The following GOPC variants were observed in gnomAD, a reference collection of about 807,000 sequenced individuals.
GOPC encodes the protein Golgi-associated PDZ and coiled-coil motif-containing protein.
Under a neutral mutation model 51.2 loss-of-function variants are expected in GOPC, and 32 were observed. The ratio of observed to expected loss-of-function variants is 0.63; its 90% CI spans 0.47 to 0.84. The LOEUF (loss-of-function observed/expected upper bound fraction) is 0.84, where lower values mean the gene tolerates loss of function less well. Ranked by LOEUF, GOPC falls within the 40% of genes least tolerant of loss-of-function variation. The probability of loss-of-function intolerance (pLI) is 0.00; values close to 1 mark genes in which losing one functional copy is unlikely to be tolerated. For synonymous variants in GOPC, 190 were observed against 205.1 expected (o/e 0.93, Z 0.63); for missense variants, 441 against 555.5 (o/e 0.79, Z 2.07).
chr6:117,595,042 A>G (rs180846593), intron 1 of GOPC, among the ~76,000 whole-genome samples: 143 of 152,326 alleles, frequency 9.4e-4, no homozygotes, highest in African/African-American at 3.3e-3. Flanking sequence ...TACTCAACAC[A>G]TATTTCCCAG....
intron 1 of GOPC, among the ~76,000 whole-genome samples, chr6:117,596,202 G>T (rs1396181738): frequency 6.6e-6 from 1 of 152,090 alleles, no homozygotes; most frequent in Non-Finnish European, 1.5e-5. Flanking sequence ...CTTCTTTAGA[G>T]AATTATCTAT....
At chr6:117,581,865 GTA>G (rs1779964003) in intron 1 of GOPC, among the ~76,000 whole-genome samples, 1 of 152,020 alleles carries the variant, frequency 6.6e-6, no homozygotes, top group African/African-American at 2.4e-5. Flanking sequence ...TTTCTCTTGA[GTA>G]TATATCTAGG....
chr6:117,568,593 C>T (rs1012243499), intron 7 of GOPC, among the ~76,000 whole-genome samples: 3 of 152,142 alleles, frequency 2.0e-5, no homozygotes, highest in Admixed American at 6.5e-5. Flanking sequence ...CTCTTGTCAG[C>T]TAATGCTTTA....
intron 5 of GOPC, among the ~76,000 whole-genome samples, chr6:117,572,985 C>T (rs1455406917): frequency 2.6e-5 from 4 of 152,140 alleles, no homozygotes; most frequent in Non-Finnish European, 5.9e-5. Context: ...ATGGTGGCTA[C>T]AGAAGCAGAC....
chr6:117,599,124 T>C (rs767298635), intron 1 of GOPC, among the ~76,000 whole-genome samples: 3 of 152,146 alleles, frequency 2.0e-5, no homozygotes, highest in African/African-American at 4.8e-5. Context: ...ATAATAAATA[T>C]AGTGTTTAAT....
intron 1 of GOPC, among the ~76,000 whole-genome samples, chr6:117,592,169 C>T (rs1035308422): frequency 1.3e-5 from 2 of 152,128 alleles, no homozygotes; most frequent in Admixed American, 6.5e-5. Flanking sequence ...GAGTTCGAGA[C>T]GAACCTGGCC....
In GOPC at chr6:117,569,690, G is replaced by A. The variant is rs190842667; in HGVS notation, c.959C>T (p.Pro320Leu). 2.0e-5 allele frequency: 32 copies of A among 1,607,796 alleles called. No individual in the cohort carries two copies. In the Admixed American group the frequency reaches 2.4e-4, roughly 12 times the overall value. The change falls in exon 7 of 9, where the codon CCG becomes CTG. Residue 320 changes from proline to leucine, a missense_variant. Pro to Leu is a moderately conservative substitution (Grantham distance 98, BLOSUM62 -3). Around this residue, in one of 3 missense-constraint regions of GOPC, gnomAD observed 166 missense variants for 267.0 expected, o/e 0.62. Transcript: ENST00000368498. ...GVPILISEIH[P>L]GQPADRCGGL... ...TCCGCATCTATCAGCAGGTTGCCCC[G>A]GATGGATCTCAGAGATGAGGATTGG...
chr6:117,565,160 A>G (rs1030285078), intron 8 of GOPC, among the ~76,000 whole-genome samples: 1 of 152,198 alleles, frequency 6.6e-6, no homozygotes, highest in South Asian at 2.1e-4. Context: ...AAATAACTCT[A>G]TGTTCCAAAC....
At chr6:117,601,266 G>A (rs546344496) in intron 1 of GOPC, among the ~76,000 whole-genome samples, 6 of 152,068 alleles carry the variant, frequency 3.9e-5, no homozygotes, top group African/African-American at 1.4e-4. Context: ...TTGAACCACA[G>A]CCACTCCACC....
rs763302164 is a variant in GOPC, at chr6:117,569,686, C to T, written c.963G>A (p.Gly321=). The T allele has an allele frequency of 1.9e-5, 31 of 1,608,688 alleles. No homozygotes were observed. The highest frequency in any genetic ancestry group is 6.8e-5 in the Admixed American group (4 of 58,826). ...GCCCTCCGCATCTATCAGCAGGTTG[C>T]CCCGGATGGATCTCAGAGATGAGGA... The part of the protein sequence containing the change: ...VPILISEIHP[G]QPADRCGGLH... Residue 321 remains glycine (G), a synonymous_variant, in exon 7 of 9, where the codon GGG becomes GGA. Transcript: ENST00000368498.
chr6:117,563,837 T>C (rs1779639319), intron 8 of GOPC, among the ~76,000 whole-genome samples: 1 of 152,160 alleles, frequency 6.6e-6, no homozygotes. Context: ...ATGCCTTATA[T>C]TAATCAAATC....
At chr6:117,589,635 T>A (rs1236660067) in intron 1 of GOPC, among the ~76,000 whole-genome samples, 4 of 152,012 alleles carry the variant, frequency 2.6e-5, no homozygotes, top group African/African-American at 9.7e-5. Flanking sequence ...GTTTTTTTTT[T>A]AAAAGGCAGC....
At chr6:117,601,876 C>T in intron 1 of GOPC, 128 bp downstream of exon 1, 3 of 1,043,654 alleles carry the variant, frequency 2.9e-6, no homozygotes, top group Non-Finnish European at 4.1e-6. Context: ...CAGACATGCA[C>T]TCTCCCATCA....
intron 3 of GOPC, 100 bp from the exon 4 acceptor site, chr6:117,575,452 T>C (rs1458041058): frequency 3.4e-6 from 3 of 870,250 alleles, no homozygotes; most frequent in Non-Finnish European, 5.8e-6. Flanking sequence ...TTCAACAATG[T>C]ATCATCTCTA....
chr6:117,577,623 T>C (rs1779901694), intron 2 of GOPC, 152 bp from the exon 3 acceptor site: 2 of 613,912 alleles, frequency 3.3e-6, no homozygotes, highest in Non-Finnish European at 5.7e-6. Flanking sequence ...CTATAAACAA[T>C]AGTAACTGTA....
intron 2 of GOPC, 126 bp from the exon 3 acceptor site, chr6:117,577,597 C>T (rs1779901500): frequency 1.3e-5 from 9 of 687,434 alleles, no homozygotes; most frequent in Non-Finnish European, 2.2e-5. Context: ...TTCATTAGAA[C>T]AAATATATTT....
chr6:117,588,363 C>T (rs555899974), intron 1 of GOPC, among the ~76,000 whole-genome samples: 41 of 151,996 alleles, frequency 2.7e-4, no homozygotes, highest in African/African-American at 9.7e-4. Flanking sequence ...GCAACCTCCA[C>T]GTCCCAGGTT....
In GOPC at chr6:117,573,471, C is replaced by T. The variant is rs758948133; in HGVS notation, c.812G>A (p.Gly271Asp). The change falls in exon 5 of 9, where the codon GGC becomes GAC. Residue 271 changes from glycine (G) to aspartate (D), a missense_variant. Physicochemically the swap from Gly to Asp is moderately conservative, Grantham distance 94 (BLOSUM62 -1). Coordinates refer to ENST00000368498, the MANE Select transcript of GOPC (RefSeq NM_020399.4). ...DLKRPMQAPP[G>D]HDQDSLKKSQ... ...GCAGCAGCAAAGCAAACATACATGGCCTGGTGGTGCTTGCATTGGTCGTTT... is the reference window on the plus strand; with the variant it reads ...GCAGCAGCAAAGCAAACATACATGGTCTGGTGGTGCTTGCATTGGTCGTTT... The T allele has an allele frequency of 6.2e-7, 1 of 1,612,768 alleles. No individual in the cohort carries two copies. The highest frequency in any genetic ancestry group is 1.1e-5 in the South Asian group (1 of 90,732).
chr6:117,592,239 C>T (rs748528176), intron 1 of GOPC, among the ~76,000 whole-genome samples: 9 of 152,022 alleles, frequency 5.9e-5, no homozygotes, highest in Non-Finnish European at 8.8e-5. Flanking sequence ...TGGTGGCTGG[C>T]GCCTGCAATC....
Sources: gnomAD v4.1 joint callset for allele counts (sites outside exome capture counted in the v4.1 genomes callset) on GRCh38, gnomAD v4.1.1 for gene constraint, gnomAD v4.1.1 regional missense constraint, MANE v1.5 for transcripts, NCBI Gene and HGNC (gene_info 2026-07-23, HGNC 2026-07-21) for gene names.